Variants in KCNIP4 observed in about 807,000 individuals in gnomAD.
The protein encoded by KCNIP4 is Kv channel-interacting protein 4.
In KCNIP4, 12 loss-of-function variants were observed where a neutral mutation model predicts 34.0. The ratio of observed to expected loss-of-function variants is 0.35; its 90% confidence interval spans 0.23 to 0.57. The LOEUF (loss-of-function observed/expected upper bound fraction) is 0.57, where lower values mean the gene tolerates loss of function less well. Ranked by LOEUF, KCNIP4 falls within the 20% of genes least tolerant of loss-of-function variation. The pLI, the probability that KCNIP4 is intolerant of heterozygous loss-of-function variation, is 0.83. For missense variants in KCNIP4, 238 were observed against 311.7 expected (o/e 0.76, Z 1.78); for synonymous variants, 124 against 102.2 (o/e 1.21, Z -1.29).
chr4:21,227,582 G>A (rs1758493340), intron 1 of KCNIP4, among the ~76,000 whole-genome samples: 1 of 151,948 alleles, frequency 6.6e-6, no homozygotes, highest in Non-Finnish European at 1.5e-5. Context: ...TGCTGCTTTT[G>A]CCTGCTTGTG....
intron 1 of KCNIP4, among the ~76,000 whole-genome samples, chr4:21,069,805 C>T (rs1744727714): frequency 6.6e-6 from 1 of 152,166 alleles, no homozygotes; most frequent in East Asian, 1.9e-4. Flanking sequence ...AAGTACCCTT[C>T]ACCCATTTCC....
At chr4:21,899,259 A>C (rs1727574123) in intron 1 of KCNIP4, among the ~76,000 whole-genome samples, 1 of 152,190 alleles carries the variant, frequency 6.6e-6, no homozygotes, top group African/African-American at 2.4e-5. Context: ...AAACCCTCAA[A>C]AAACTGGGTA....
At chr4:21,539,779 G>A (rs1251834505) in intron 1 of KCNIP4, among the ~76,000 whole-genome samples, 3 of 152,062 alleles carry the variant, frequency 2.0e-5, no homozygotes, top group African/African-American at 7.2e-5. Flanking sequence ...AGGAGTATAA[G>A]ACCAGCCTGG....
chr4:21,544,072 A>T (rs547299438), intron 1 of KCNIP4, among the ~76,000 whole-genome samples: 2 of 152,280 alleles, frequency 1.3e-5, no homozygotes, highest in African/African-American at 2.4e-5. Flanking sequence ...ACATCTGAGT[A>T]CTGATCCCAT....
At position 21,494,930 on chromosome 4, in the gene KCNIP4, T is replaced by C. The variant is rs1732733118; in HGVS notation, c.61+453641A>G. Among the ~76,000 whole-genome samples, 2 of 152,116 alleles carry C rather than the reference T, an allele frequency of 1.3e-5. 1 individual carries two copies. Among genetic ancestry groups the C allele is most frequent in the South Asian group, 4.1e-4 (2 of 4,828 alleles). The stretch of plus-strand genomic sequence containing the variant: ...AAAATTAAAATATCCCAGTGGAATA[T>C]AGTTGTGAATCTGACATAATATACT... On this transcript the variant is annotated intron_variant, in intron 1 of 8. Transcript: ENST00000382152.
chr4:21,008,861 T>C (rs1738811579), intron 1 of KCNIP4, among the ~76,000 whole-genome samples: 1 of 151,996 alleles, frequency 6.6e-6, no homozygotes, highest in Non-Finnish European at 1.5e-5. Context: ...GTGCTAATCA[T>C]TGGGTATTTC....
intron 1 of KCNIP4, among the ~76,000 whole-genome samples, chr4:21,291,470 T>C (rs1763455633): frequency 6.6e-6 from 1 of 152,100 alleles, no homozygotes; most frequent in Admixed American, 6.5e-5. Context: ...CTATGACAAC[T>C]AGGTATCAAA....
At chr4:21,176,698 T>C (rs1754436772) in intron 1 of KCNIP4, among the ~76,000 whole-genome samples, 1 of 152,112 alleles carries the variant, frequency 6.6e-6, no homozygotes, top group African/African-American at 2.4e-5. Flanking sequence ...ATTTTTCCTA[T>C]TTAGTGGAGA....
chr4:21,685,566 A>G (rs1472441995), intron 1 of KCNIP4, among the ~76,000 whole-genome samples: 1 of 152,220 alleles, frequency 6.6e-6, no homozygotes, highest in Non-Finnish European at 1.5e-5. Context: ...AGTAATAATC[A>G]GTACGTGGAC....
chr4:21,697,620 A>G (rs1712482857), intron 1 of KCNIP4: 2 of 1,347,960 alleles, frequency 1.5e-6, no homozygotes, highest in Non-Finnish European at 1.9e-6. Context: ...AATGCTAGAG[A>G]AGCCAGATAC....
chr4:21,279,499 A>G (rs772894395), intron 1 of KCNIP4, among the ~76,000 whole-genome samples: 4 of 144,506 alleles, frequency 2.8e-5, no homozygotes, highest in Admixed American at 7.0e-5. Context: ...ATATATATAT[A>G]TACATACATA....
intron 1 of KCNIP4, among the ~76,000 whole-genome samples, chr4:20,998,596 C>T (rs1269598328): frequency 1.3e-5 from 2 of 152,212 alleles, no homozygotes; most frequent in Non-Finnish European, 2.9e-5. Flanking sequence ...CATTGGTCTA[C>T]TGAAGTTGTC....
intron 3 of KCNIP4, among the ~76,000 whole-genome samples, chr4:20,842,111 A>G (rs916842361): frequency 6.6e-6 from 1 of 152,112 alleles, no homozygotes; most frequent in Non-Finnish European, 1.5e-5. Flanking sequence ...TCTTCCCCCA[A>G]TGGAATACAA....
chr4:21,827,890 G>T lies in KCNIP4; in HGVS notation c.61+120681C>A, dbSNP rs930322642. On this transcript the variant is annotated intron_variant, in intron 1 of 8. Transcript: ENST00000382152. ...CTCCCTGATGTCTGAAATAACAAAA[G>T]AAAGCTTTCTCTGGAGTCAAATGAT... Among the ~76,000 whole-genome samples, 6 of 151,488 alleles carry T rather than the reference G, an allele frequency of 4.0e-5. No individual in the cohort carries two copies. The South Asian group carries it at 6.2e-4, about 16-fold the overall frequency.
At chr4:21,077,312 G>T (rs6835062) in intron 1 of KCNIP4, among the ~76,000 whole-genome samples, 77,358 of 151,788 alleles carry the variant, frequency 0.51, 21,361 homozygotes, top group African/African-American at 0.74. Context: ...TATCTCATTT[G>T]AAGAAAAAGT....
At chr4:21,227,663 G>A (rs115586188) in intron 1 of KCNIP4, among the ~76,000 whole-genome samples, 2,888 of 144,092 alleles carry the variant, frequency 0.02, 43 homozygotes, top group Non-Finnish European at 0.03. Flanking sequence ...TGCTCTCTCC[G>A]CAGTTAAAAA....
intron 1 of KCNIP4, among the ~76,000 whole-genome samples, chr4:21,545,587 A>G (rs888275664): frequency 6.6e-6 from 1 of 152,032 alleles, no homozygotes; most frequent in Non-Finnish European, 1.5e-5. Context: ...CCCTGTGTCC[A>G]TGTGTTCTCA....
chr4:20,967,321 G>A (rs1464898889), intron 1 of KCNIP4, among the ~76,000 whole-genome samples: 2 of 152,256 alleles, frequency 1.3e-5, no homozygotes, highest in East Asian at 3.9e-4. Context: ...TCATGGATAG[G>A]AAGAATCAAT....
chr4:21,006,656 G>A (rs1015083254), intron 1 of KCNIP4, among the ~76,000 whole-genome samples: 1 of 152,234 alleles, frequency 6.6e-6, no homozygotes, highest in Admixed American at 6.5e-5. Context: ...TCGGTAGAAT[G>A]AGTGTTTCAG....
Sources: allele counts gnomAD v4.1 joint callset (sites outside exome capture counted in the v4.1 genomes callset), GRCh38; gene constraint gnomAD v4.1.1; transcripts MANE v1.5; gene names NCBI Gene and HGNC (gene_info 2026-07-23, HGNC 2026-07-21).